ABCA13: variants seen among roughly 807,000 people sequenced by gnomAD.
ABCA13 encodes the protein ATP binding cassette subfamily A member 13.
In ABCA13, 476 loss-of-function variants were observed where a neutral mutation model predicts 478.7. The observed-to-expected ratio is 0.99, with a 90% confidence interval of 0.92 to 1.07. The LOEUF is 1.07. Among genes scored for constraint, ABCA13 ranks in the 50% least tolerant of loss-of-function variants. ABCA13 has a pLI of 0.00. For missense variants in ABCA13, 6,060 were observed against 5,910.6 expected (o/e 1.03, Z -0.83); for synonymous variants, 2,252 against 2,158.9 (o/e 1.04, Z -1.20).
chr7:48,204,931 C>CT (rs976196432), intron 3 of ABCA13, among the ~76,000 whole-genome samples: 2 of 152,174 alleles, frequency 1.3e-5, no homozygotes, highest in African/African-American at 4.8e-5. Context: ...AGCCCAGAGT[C>CT]TCCCCTCCTG....
chr7:48,647,196 A>G lies in ABCA13; in HGVS notation c.*1684A>G, dbSNP rs746107497. On this transcript the variant is annotated 3_prime_UTR_variant, in exon 62 of 62. Coordinates refer to ENST00000435803, the MANE Select transcript of ABCA13 (RefSeq NM_152701.5). ...TTCTTTACTAAAGCAAGATTTCATT[A>G]AATCTCTATTTCCTAAATATCATTC... The G allele has an allele frequency of 2.6e-5, 4 of 152,220 alleles. No individual in the cohort carries two copies. Among genetic ancestry groups the G allele is most frequent in the Admixed American group, 6.5e-5 (1 of 15,284 alleles). The allele number at this position is 152,220 out of a possible 1,614,324, so 9.4% of individuals were successfully genotyped here.
rs796712882 is a variant in ABCA13, at chr7:48,431,144, C to T, written c.12565+3273C>T. ...CACATATTTGTGAGTTTCTAAATTC[C>T]CTTTTGTTATTAAAGTCCCATTTCA... On this transcript the variant is annotated intron_variant, in intron 42 of 61. Coordinates refer to ENST00000435803, the MANE Select transcript of ABCA13 (RefSeq NM_152701.5). Among the ~76,000 whole-genome samples, 3 of 151,818 alleles carry T rather than the reference C, an allele frequency of 2.0e-5. No homozygotes were observed. In the East Asian group the frequency reaches 5.8e-4, roughly 29 times the overall value.
intron 47 of ABCA13, among the ~76,000 whole-genome samples, chr7:48,487,674 T>C (rs1412372543): frequency 6.6e-6 from 1 of 152,184 alleles, no homozygotes; most frequent in African/African-American, 2.4e-5. Context: ...AGTGGGAGGT[T>C]CCACTTTCCA....
At position 48,462,724 on chromosome 7, in the gene ABCA13, G is replaced by T. The variant is rs189567901; in HGVS notation, c.12816-4232G>T. The stretch of plus-strand genomic sequence containing the variant: ...GGGTTTCACCATGCTGGCCAGGCTG[G>T]TCGCGAACTCCTGACCTTAGGTTAT... On this transcript the variant is annotated intron_variant, in intron 43 of 61. Transcript: ENST00000435803. Among the ~76,000 whole-genome samples, 6 of 152,238 alleles carry T rather than the reference G, an allele frequency of 3.9e-5. No individual in the cohort carries two copies. The East Asian group carries it at 1.2e-3, about 29-fold the overall frequency.
chr7:48,644,505 G>A (rs1795307156), intron 60 of ABCA13, 112 bp from the exon 61 acceptor site: 2 of 1,148,170 alleles, frequency 1.7e-6, no homozygotes, highest in South Asian at 1.6e-5. Flanking sequence ...AAAATTAAGT[G>A]TAGGTTGAGA....
At chr7:48,560,464 T>C (rs1786342386) in intron 55 of ABCA13, among the ~76,000 whole-genome samples, 1 of 152,206 alleles carries the variant, frequency 6.6e-6, no homozygotes, top group Non-Finnish European at 1.5e-5. Context: ...CTTTTAGTGA[T>C]ATGAAGTTAA....
intron 31 of ABCA13, 113 bp from the exon 32 acceptor site, chr7:48,367,681 G>T: frequency 1.3e-6 from 1 of 791,746 alleles, no homozygotes; most frequent in Non-Finnish European, 2.1e-6. Flanking sequence ...ATGTAGAAAT[G>T]ACCAAAGGAG....
At chr7:48,597,974 C>T (rs1790471585) in intron 58 of ABCA13, among the ~76,000 whole-genome samples, 1 of 152,132 alleles carries the variant, frequency 6.6e-6, no homozygotes, top group Non-Finnish European at 1.5e-5. Context: ...ATCCAATTTA[C>T]ATAGGGTTCT....
intron 28 of ABCA13, among the ~76,000 whole-genome samples, chr7:48,336,176 C>G (rs1806237131): frequency 6.6e-6 from 1 of 152,076 alleles, no homozygotes; most frequent in Admixed American, 6.6e-5. Flanking sequence ...TGATCTTGGG[C>G]TAGTCACTGA....
chr7:48,378,514 G>T (rs995508916), intron 35 of ABCA13, among the ~76,000 whole-genome samples: 16 of 152,134 alleles, frequency 1.1e-4, no homozygotes, highest in Non-Finnish European at 4.4e-5. Context: ...AGGAAACCGT[G>T]ATCTCCTGTT....
At chr7:48,518,336 G>GAA (rs749188841) in intron 52 of ABCA13, among the ~76,000 whole-genome samples, 10 of 152,188 alleles carry the variant, frequency 6.6e-5, no homozygotes, top group African/African-American at 2.4e-4. Flanking sequence ...TGAGGAACTT[G>GAA]AAAGCAGAGA....
intron 6 of ABCA13, among the ~76,000 whole-genome samples, chr7:48,228,049 C>T (rs1352760213): frequency 1.3e-5 from 2 of 152,154 alleles, no homozygotes; most frequent in African/African-American, 4.8e-5. Flanking sequence ...TCTTTTATAA[C>T]CAATTGAATT....
At chr7:48,637,522 G>T (rs1318581661) in intron 59 of ABCA13, among the ~76,000 whole-genome samples, 3 of 151,040 alleles carry the variant, frequency 2.0e-5, no homozygotes, top group African/African-American at 7.3e-5. Context: ...AAAATCTTTT[G>T]TTTATCTAGA....
chr7:48,604,810 T>C (rs1024388197), intron 58 of ABCA13, among the ~76,000 whole-genome samples: 1 of 152,208 alleles, frequency 6.6e-6, no homozygotes, highest in Admixed American at 6.5e-5. Flanking sequence ...GTGATCTGTC[T>C]AATATTGACA....
At chr7:48,263,682 T>C (rs1453819476) in intron 15 of ABCA13, among the ~76,000 whole-genome samples, 2 of 151,058 alleles carry the variant, frequency 1.3e-5, no homozygotes, top group Non-Finnish European at 2.9e-5. Context: ...TTACAACTAA[T>C]GGCCAGGGAA....
At chr7:48,475,933 G>A (rs748536413) in intron 45 of ABCA13, among the ~76,000 whole-genome samples, 1 of 152,182 alleles carries the variant, frequency 6.6e-6, no homozygotes, top group Non-Finnish European at 1.5e-5. Flanking sequence ...GGGATTTTTA[G>A]GGTCTGAGCT....
At chr7:48,394,713 T>C (rs1440249841) in intron 38 of ABCA13, among the ~76,000 whole-genome samples, 1 of 152,018 alleles carries the variant, frequency 6.6e-6, no homozygotes, top group African/African-American at 2.4e-5. Flanking sequence ...TTTCCATAAG[T>C]TATTGGGGTA....
At chr7:48,385,033 G>C (rs1382639826) in intron 35 of ABCA13, among the ~76,000 whole-genome samples, 1 of 152,096 alleles carries the variant, frequency 6.6e-6, no homozygotes, top group Non-Finnish European at 1.5e-5. Flanking sequence ...AGTACAGGGG[G>C]TTAGAACTTC....
chr7:48,329,851 A>G (rs1217221207), intron 27 of ABCA13, among the ~76,000 whole-genome samples: 1 of 151,680 alleles, frequency 6.6e-6, no homozygotes, highest in East Asian at 1.9e-4. Context: ...CCATGCATCC[A>G]TCCATCCACA....
Sources: gnomAD v4.1 joint callset for allele counts (sites outside exome capture counted in the v4.1 genomes callset) on GRCh38, gnomAD v4.1.1 for gene constraint, MANE v1.5 for transcripts, NCBI Gene and HGNC (gene_info 2026-07-23, HGNC 2026-07-21) for gene names.